The following GPM6A variants were observed in gnomAD, a reference collection of about 807,000 sequenced individuals.
The protein encoded by GPM6A is glycoprotein M6A.
In GPM6A, 7 loss-of-function variants were observed where a neutral mutation model predicts 32.1. The ratio of observed to expected loss-of-function variants is 0.22; its 90% confidence interval spans 0.12 to 0.41. GPM6A has a LOEUF of 0.41. Ranked by LOEUF, GPM6A falls within the 10% of genes least tolerant of loss-of-function variation. The pLI, the probability that GPM6A is intolerant of heterozygous loss-of-function variation, is 1.00. For synonymous variants in GPM6A, 130 were observed against 123.4 expected, an observed-to-expected ratio of 1.05 and a Z score of -0.35; for missense variants, 235 against 347.2, an observed-to-expected ratio of 0.68 and a Z score of 2.57.
At chr4:175,991,231 A>AATTT (rs1554007436) in intron 1 of GPM6A, among the ~76,000 whole-genome samples, 1 of 119,060 alleles carries the variant, frequency 8.4e-6, no homozygotes, top group Non-Finnish European at 1.8e-5. Flanking sequence ...ACTCCCAGCT[A>AATTT]TTTTTTTTTT....
intron 1 of GPM6A, among the ~76,000 whole-genome samples, chr4:175,876,125 G>A (rs1737078038): frequency 6.6e-6 from 1 of 152,102 alleles, no homozygotes; most frequent in Non-Finnish European, 1.5e-5. Context: ...AAACCTTCTA[G>A]AATCTGCACT....
intron 1 of GPM6A, among the ~76,000 whole-genome samples, chr4:175,762,011 C>T (rs950255281): frequency 6.6e-6 from 1 of 152,102 alleles, no homozygotes; most frequent in African/African-American, 2.4e-5. Flanking sequence ...TCAGGCTGGT[C>T]TCGAACTCTT....
At chr4:175,923,934 G>T (rs1234770930) in intron 1 of GPM6A, among the ~76,000 whole-genome samples, 3 of 152,184 alleles carry the variant, frequency 2.0e-5, no homozygotes, top group African/African-American at 7.2e-5. Flanking sequence ...CAAGCATGAA[G>T]AGTAAAAATG....
At chr4:175,868,521 T>C (rs564837950) in intron 1 of GPM6A, among the ~76,000 whole-genome samples, 10 of 152,244 alleles carry the variant, frequency 6.6e-5, no homozygotes, top group Non-Finnish European at 1.0e-4. Context: ...ACAAATGTTT[T>C]TCTTTTCATT....
intron 1 of GPM6A, among the ~76,000 whole-genome samples, chr4:175,796,248 A>T (rs1467311179): frequency 6.6e-6 from 1 of 152,180 alleles, no homozygotes; most frequent in African/African-American, 2.4e-5. Context: ...AGTTATATTT[A>T]TGTTACATAT....
intron 1 of GPM6A, among the ~76,000 whole-genome samples, chr4:175,742,976 A>G (rs1295062014): frequency 2.0e-5 from 3 of 152,222 alleles, no homozygotes; most frequent in African/African-American, 4.8e-5. Flanking sequence ...GTAAGACCCC[A>G]TTCGCCACAA....
chr4:175,650,078 T>A (rs575148959), intron 4 of GPM6A, among the ~76,000 whole-genome samples: 39 of 152,142 alleles, frequency 2.6e-4, no homozygotes, highest in Non-Finnish European at 5.0e-4. Flanking sequence ...TACAGGGGAT[T>A]TGATTTTGAG....
intron 1 of GPM6A, among the ~76,000 whole-genome samples, chr4:175,913,486 G>T (rs895990386): frequency 6.6e-6 from 1 of 152,156 alleles, no homozygotes; most frequent in Non-Finnish European, 1.5e-5. Context: ...ACCCTGCAAA[G>T]GTTCCCATTT....
chr4:175,778,811 T>A (rs1394933584), intron 1 of GPM6A, among the ~76,000 whole-genome samples: 1 of 150,100 alleles, frequency 6.7e-6, no homozygotes, highest in African/African-American at 2.4e-5. Flanking sequence ...ACTAAATATA[T>A]AAAATAACAT....
chr4:175,742,471 A>G (rs1731925966), intron 1 of GPM6A, among the ~76,000 whole-genome samples: 1 of 152,166 alleles, frequency 6.6e-6, no homozygotes, highest in Non-Finnish European at 1.5e-5. Context: ...AAACTGAATT[A>G]TACTGTTTAC....
intron 1 of GPM6A, among the ~76,000 whole-genome samples, chr4:175,771,223 G>T (rs1733175122): frequency 6.6e-6 from 1 of 151,922 alleles, no homozygotes; most frequent in Non-Finnish European, 1.5e-5. Context: ...ATTGGATTTT[G>T]TCACTCCCAC....
At chr4:175,866,408 G>A (rs537836565) in intron 1 of GPM6A, among the ~76,000 whole-genome samples, 16 of 152,144 alleles carry the variant, frequency 1.1e-4, no homozygotes, top group South Asian at 4.2e-4. Context: ...TCACTGCCTC[G>A]AAAATCCTCT....
In GPM6A at chr4:175,766,094, C is replaced by A. The variant is rs149417750; in HGVS notation, c.37+46097G>T. Among the ~76,000 whole-genome samples, 452 of 152,256 alleles carry A rather than the reference C, an allele frequency of 3.0e-3. 2 individuals carry two copies. The highest frequency in any genetic ancestry group is 9.6e-3 in the African/African-American group (397 of 41,550). On this transcript the variant is annotated intron_variant, in intron 1 of 6. Transcript: ENST00000393658. The stretch of plus-strand genomic sequence containing the variant: ...GGGCCTGCTTATTAGTATAACTACT[C>A]GGTCCTACATGAGACTGTAAGCCCA...
At chr4:175,846,868 T>A (rs1276328073) in intron 1 of GPM6A, among the ~76,000 whole-genome samples, 1 of 152,110 alleles carries the variant, frequency 6.6e-6, no homozygotes, top group African/African-American at 2.4e-5. Context: ...TGTATCTCAT[T>A]GTGACTTAGT....
intron 1 of GPM6A, among the ~76,000 whole-genome samples, chr4:175,768,455 G>A (rs1733059229): frequency 6.6e-6 from 1 of 152,046 alleles, no homozygotes; most frequent in Non-Finnish European, 1.5e-5. Context: ...GTAGCTTGTT[G>A]GGGAGATTCA....
chr4:175,725,893 T>C (rs544898421), intron 1 of GPM6A, among the ~76,000 whole-genome samples: 1 of 151,900 alleles, frequency 6.6e-6, no homozygotes, highest in Admixed American at 6.6e-5. Flanking sequence ...TTTGACAACA[T>C]GAAAGATAAA....
chr4:175,767,078 G>A (rs1036376133), intron 1 of GPM6A, among the ~76,000 whole-genome samples: 13 of 152,092 alleles, frequency 8.5e-5, no homozygotes, highest in Non-Finnish European at 1.5e-4. Context: ...AAAACGTAAG[G>A]ACTACTGCTC....
At chr4:175,990,598 T>C (rs1314271292) in intron 1 of GPM6A, among the ~76,000 whole-genome samples, 1 of 151,656 alleles carries the variant, frequency 6.6e-6, no homozygotes, top group African/African-American at 2.4e-5. Flanking sequence ...TTCAATCGAG[T>C]CAACACTAAA....
rs1206500458 is a variant in GPM6A, at chr4:175,663,596, T to TA, written c.387+10083_387+10084insT. ...TTAGCTTGATTTAGCCTTTCCACAA[T>TA]GTATACATATTTGAAACCAATATGT... On this transcript the variant is annotated intron_variant, in intron 3 of 6. Transcript: ENST00000393658. Among the ~76,000 whole-genome samples the TA allele has an allele frequency of 5.3e-5, 8 of 152,344 alleles. No individual in the cohort carries two copies. The East Asian group carries it at 1.5e-3, about 29-fold the overall frequency.
Sources: gnomAD v4.1 joint callset for allele counts (sites outside exome capture counted in the v4.1 genomes callset) on GRCh38, gnomAD v4.1.1 for gene constraint, MANE v1.5 for transcripts, NCBI Gene and HGNC (gene_info 2026-07-23, HGNC 2026-07-21) for gene names.